Variants in WDR7 observed in about 807,000 individuals in gnomAD.
The protein encoded by WDR7 is WD repeat-containing protein 7.
A neutral mutation model predicts 169.4 loss-of-function variants in WDR7; 46 were observed. The observed-to-expected ratio is 0.27, with a 90% CI of 0.21 to 0.35. The LOEUF is 0.35. WDR7 is among the 10% of genes least tolerant of loss of function. The pLI is 1.00. For synonymous variants in WDR7, 612 were observed against 666.8 expected, an observed-to-expected ratio of 0.92 and a Z score of 1.27; for missense variants, 1,534 against 1,859.3, an observed-to-expected ratio of 0.83 and a Z score of 3.22.
intron 19 of WDR7, among the ~76,000 whole-genome samples, chr18:56,782,320 T>C (rs907732402): frequency 2.0e-5 from 3 of 152,144 alleles, no homozygotes; most frequent in African/African-American, 7.2e-5. Context: ...TGGTTTTGTA[T>C]TTTTGTTTGG....
At chr18:56,822,609 C>T (rs1216472811) in intron 20 of WDR7, among the ~76,000 whole-genome samples, 1 of 152,190 alleles carries the variant, frequency 6.6e-6, no homozygotes, top group African/African-American at 2.4e-5. Flanking sequence ...AAGAGACTTC[C>T]ACCCGCACCC....
chr18:56,978,304 T>C (rs1358028045), intron 26 of WDR7, among the ~76,000 whole-genome samples: 1 of 152,226 alleles, frequency 6.6e-6, no homozygotes. Flanking sequence ...TAAGACAATT[T>C]TTTAAAAAAC....
intron 14 of WDR7, among the ~76,000 whole-genome samples, chr18:56,747,809 G>T (rs2043728891): frequency 2.0e-5 from 3 of 150,500 alleles, no homozygotes. Flanking sequence ...TGAGGGAAGA[G>T]GGTTCAAAAT....
At chr18:56,902,423 AT>A (rs574548319) in intron 21 of WDR7, among the ~76,000 whole-genome samples, 32 of 152,256 alleles carry the variant, frequency 2.1e-4, no homozygotes, top group African/African-American at 7.5e-4. Flanking sequence ...TAAAAGCTAT[AT>A]TTTTTAAATG....
Position 56,948,261 on chromosome 18 carries a change from A to G in WDR7, c.4064+8868A>G, listed in dbSNP as rs76791149. On this transcript the variant is annotated intron_variant, in intron 25 of 27. Transcript: ENST00000254442. Reference sequence around the variant, plus strand: ...TTTATAGCAACTAGTAGAGGACTCCAACTAGCCAAAGACCATATGTCCCAG... The same window carrying G: ...TTTATAGCAACTAGTAGAGGACTCCGACTAGCCAAAGACCATATGTCCCAG... 1.5e-3 allele frequency among the ~76,000 whole-genome samples: 231 copies of G among 152,290 alleles called. 2 individuals carry two copies. Among genetic ancestry groups the G allele is most frequent in the African/African-American group, 5.4e-3 (226 of 41,570 alleles).
intron 2 of WDR7, among the ~76,000 whole-genome samples, chr18:56,673,353 G>C (rs2025176597): frequency 6.6e-6 from 1 of 152,072 alleles, no homozygotes; most frequent in African/African-American, 2.4e-5. Flanking sequence ...GGTCAAGAAA[G>C]GTGATTTTTT....
chr18:56,776,410 C>A (rs1048129103), intron 16 of WDR7, among the ~76,000 whole-genome samples: 3 of 151,918 alleles, frequency 2.0e-5, no homozygotes, highest in African/African-American at 4.8e-5. Flanking sequence ...ATATGAAGAC[C>A]AACATAAAGC....
At chr18:56,754,372 C>CGTGT (rs1490571281) in intron 14 of WDR7, among the ~76,000 whole-genome samples, 1 of 145,122 alleles carries the variant, frequency 6.9e-6, no homozygotes, top group South Asian at 2.2e-4. Flanking sequence ...TATATATACA[C>CGTGT]GTATATATGT....
chr18:57,031,700 CGCA>C (rs1251185496), downstream of WDR7: 1 of 152,196 alleles, frequency 6.6e-6, no homozygotes, highest in Non-Finnish European at 1.5e-5. Flanking sequence ...AAAAAGAGAA[CGCA>C]GCCAGCCAAA....
At chr18:56,905,459 C>G (rs2046462860) in intron 21 of WDR7, among the ~76,000 whole-genome samples, 2 of 152,188 alleles carry the variant, frequency 1.3e-5, no homozygotes, top group South Asian at 4.2e-4. Flanking sequence ...TGATTATAGA[C>G]AATTTTCAGA....
intron 20 of WDR7, among the ~76,000 whole-genome samples, chr18:56,839,493 G>T (rs1205815820): frequency 6.6e-6 from 1 of 152,048 alleles, no homozygotes; most frequent in African/African-American, 2.4e-5. Context: ...CGTCTATAAT[G>T]TTATTAAAAT....
intron 22 of WDR7, among the ~76,000 whole-genome samples, chr18:56,926,304 G>A (rs149100054): frequency 2.3e-3 from 345 of 152,272 alleles, no homozygotes; most frequent in African/African-American, 6.9e-3. Context: ...ATGTGCACCC[G>A]CCACACATCA....
At chr18:56,658,447 A>G (rs1459548340) in intron 1 of WDR7, among the ~76,000 whole-genome samples, 2 of 152,132 alleles carry the variant, frequency 1.3e-5, no homozygotes, top group African/African-American at 4.8e-5. Flanking sequence ...TCAGCTTAGC[A>G]GTTGTAATTT....
intron 19 of WDR7, among the ~76,000 whole-genome samples, chr18:56,813,808 A>C (rs2044917673): frequency 6.6e-6 from 1 of 152,098 alleles, no homozygotes; most frequent in Admixed American, 6.6e-5. Context: ...TCAAAGAACC[A>C]GTTTTAGCAC....
chr18:57,025,448 T>C (rs147834976), intron 27 of WDR7, among the ~76,000 whole-genome samples: 138 of 152,300 alleles, frequency 9.1e-4, no homozygotes, highest in African/African-American at 3.1e-3. Context: ...TGTGAAGTTT[T>C]TGGGAAAAGG....
chr18:56,974,601 C>A (rs768898918), intron 26 of WDR7, among the ~76,000 whole-genome samples: 1 of 152,112 alleles, frequency 6.6e-6, no homozygotes, highest in African/African-American at 2.4e-5. Flanking sequence ...AGTAGCCTCC[C>A]GACCACGGGC....
intron 16 of WDR7, among the ~76,000 whole-genome samples, chr18:56,764,744 T>C (rs935953364): frequency 2.0e-5 from 3 of 152,160 alleles, no homozygotes; most frequent in Non-Finnish European, 2.9e-5. Context: ...GGGTGGAATA[T>C]TTTATAACTG....
intron 5 of WDR7, among the ~76,000 whole-genome samples, chr18:56,683,070 A>G (rs1271996521): frequency 1.3e-5 from 2 of 152,222 alleles, no homozygotes; most frequent in Non-Finnish European, 2.9e-5. Flanking sequence ...CATGATGTAT[A>G]GATCATCAGC....
intron 12 of WDR7, among the ~76,000 whole-genome samples, chr18:56,699,317 A>G (rs1406271067): frequency 6.6e-6 from 1 of 152,252 alleles, no homozygotes; most frequent in Non-Finnish European, 1.5e-5. Context: ...AGTTTGCTAC[A>G]TCATATACTG....
Sources: gnomAD v4.1 joint callset for allele counts (sites outside exome capture counted in the v4.1 genomes callset) on GRCh38, gnomAD v4.1.1 for gene constraint, MANE v1.5 for transcripts, NCBI Gene and HGNC (gene_info 2026-07-23, HGNC 2026-07-21) for gene names.